KLHL22: variants seen among roughly 807,000 people sequenced by gnomAD.
KLHL22 encodes kelch like family member 22.
Under a neutral mutation model 60.7 loss-of-function variants are expected in KLHL22, and 18 were observed. That is an observed-to-expected ratio of 0.30 (90% CI 0.20 to 0.44). The LOEUF (loss-of-function observed/expected upper bound fraction) is 0.44, where lower values mean the gene tolerates loss of function less well. Ranked by LOEUF, KLHL22 falls within the 20% of genes least tolerant of loss-of-function variation. The probability of loss-of-function intolerance (pLI) is 1.00; values close to 1 mark genes in which losing one functional copy is unlikely to be tolerated. For missense variants in KLHL22, 596 were observed against 852.3 expected (o/e 0.70, Z 3.74); for synonymous variants, 355 against 354.5 (o/e 1.00, Z -0.01).
chr22:20,459,567 G>A (rs1431021744), intron 4 of KLHL22, among the ~76,000 whole-genome samples: 1 of 152,234 alleles, frequency 6.6e-6, no homozygotes, highest in Non-Finnish European at 1.5e-5. Context: ...TAAAAGACGA[G>A]CATGAAAAGT....
chr22:20,442,300 T>G lies in KLHL22; in HGVS notation c.1678A>C (p.Thr560Pro), dbSNP rs752725077. Reference protein sequence around the residue: ...GGRSHNRGSRTGYVHIYDVEK... With the variant: ...GGRSHNRGSRPGYVHIYDVEK... ...ACATCGTAAATGTGCACGTAGCCTG[T>G]GCGGCTGCCGCGGTTGTGTGAGCGG... The change falls in exon 7 of 7, where the codon ACA (threonine) becomes CCA (proline). Residue 560 changes from threonine to proline, a missense_variant. By Grantham distance (38) the Thr-to-Pro change is conservative. Transcript: ENST00000328879. 5 of 1,613,892 alleles carry G rather than the reference T, an allele frequency of 3.1e-6. No individual in the cohort carries two copies. The highest frequency in any genetic ancestry group is 8.5e-7 in the Non-Finnish European group (1 of 1,180,042).
rs2146147686 is a variant in KLHL22, at chr22:20,441,540, G to C, written c.*533C>G. The C allele has an allele frequency of 6.0e-6, 1 of 167,746 alleles. No homozygotes were observed. Among genetic ancestry groups the C allele is most frequent in the African/African-American group, 2.4e-5 (1 of 41,704 alleles). 10.4% of individuals were successfully genotyped at this position (167,746 alleles called of 1,614,324 possible). On this transcript the variant is annotated 3_prime_UTR_variant, in exon 7 of 7. Transcript: ENST00000328879. Reference sequence around the variant, plus strand: ...GAAAAACAGTTAACACCTTCTGTAAGATGCTTTATTTCATTGACCAACAAC... The same window carrying C: ...GAAAAACAGTTAACACCTTCTGTAACATGCTTTATTTCATTGACCAACAAC...
At chr22:20,450,427 C>G in intron 5 of KLHL22, 1 of 1,540,110 alleles carries the variant, frequency 6.5e-7, no homozygotes, top group Non-Finnish European at 9.0e-7. Context: ...GGAGAATGTA[C>G]AGGAACTGCT....
intron 3 of KLHL22, among the ~76,000 whole-genome samples, chr22:20,466,584 G>A (rs1028433310): frequency 6.6e-6 from 1 of 152,010 alleles, no homozygotes; most frequent in African/African-American, 2.4e-5. Context: ...CATCCACCCT[G>A]GTTCCCTAGA....
intron 1 of KLHL22, among the ~76,000 whole-genome samples, chr22:20,492,642 T>C (rs558164235): frequency 2.0e-5 from 3 of 151,082 alleles, no homozygotes; most frequent in African/African-American, 4.9e-5. Context: ...CAGGCTAGAG[T>C]GCAGTGGTGT....
At chr22:20,473,162 C>A (rs2053355557) in intron 2 of KLHL22, among the ~76,000 whole-genome samples, 1 of 152,188 alleles carries the variant, frequency 6.6e-6, no homozygotes. Context: ...CCCTGGAAGA[C>A]CAATTAGGCC....
chr22:20,483,951 G>A (rs879526758), intron 2 of KLHL22: 6 of 678,596 alleles, frequency 8.8e-6, no homozygotes, highest in African/African-American at 1.8e-5. Context: ...CTGGAAGCTG[G>A]TGGAGCGGGA....
chr22:20,466,890 A>T (rs1019428986), intron 3 of KLHL22, among the ~76,000 whole-genome samples: 1 of 152,194 alleles, frequency 6.6e-6, no homozygotes, highest in Non-Finnish European at 1.5e-5. Context: ...AGTGGTTTGA[A>T]AGGACGGCAA....
At chr22:20,478,508 CT>C (rs1196419660) in intron 2 of KLHL22, among the ~76,000 whole-genome samples, 55 of 67,676 alleles carry the variant, frequency 8.1e-4, no homozygotes, top group East Asian at 2.5e-3. Flanking sequence ...AAACTTAATT[CT>C]TTTTTTTTTT....
intron 6 of KLHL22, among the ~76,000 whole-genome samples, 156 bp from the exon 7 acceptor site, chr22:20,442,594 G>A (rs2052779457): frequency 6.6e-6 from 1 of 152,254 alleles, no homozygotes; most frequent in South Asian, 2.1e-4. Flanking sequence ...GAAACATCCT[G>A]TCCATGGGCC....
At chr22:20,463,915 T>A (rs2053191567) in intron 4 of KLHL22, among the ~76,000 whole-genome samples, 1 of 152,202 alleles carries the variant, frequency 6.6e-6, no homozygotes, top group African/African-American at 2.4e-5. Context: ...TACCCCACCC[T>A]GACCCCAGAA....
chr22:20,471,390 C>T lies in KLHL22; in HGVS notation c.353G>A (p.Ser118Asn). 2 of 1,614,026 alleles carry T rather than the reference C, an allele frequency of 1.2e-6. No individual in the cohort carries two copies. The highest frequency in any genetic ancestry group is 1.7e-6 in the Non-Finnish European group (2 of 1,179,906). Residue 118 changes from serine (S) to asparagine (N), a missense_variant, in exon 3 of 7, where the codon AGC becomes AAC. Ser to Asn is a conservative substitution (Grantham distance 46, BLOSUM62 1). Transcript: ENST00000328879. ...AGCCACCAGTGTCTCTTGTACATTG[C>T]TCAGGCTGAGCTCCAGCTCGGAGGT... ...IYTSELELSL[S>N]NVQETLVAAC...
rs142417255 is a variant in KLHL22, at chr22:20,455,357, C to A, written c.1305+2451G>T. ...ACGCAATGACCCAGGGCCAGCCTCG[C>A]TTGCTCTGCTCTTGATCCTTGGGCT... is the stretch of plus-strand genomic sequence containing the variant. On this transcript the variant is annotated intron_variant, in intron 5 of 6. Coordinates refer to ENST00000328879, the MANE Select transcript of KLHL22 (RefSeq NM_032775.4). Among the ~76,000 whole-genome samples, 330 of 152,332 alleles carry A rather than the reference C, an allele frequency of 2.2e-3. 1 individual carries two copies. Among genetic ancestry groups the A allele is most frequent in the African/African-American group, 7.7e-3 (319 of 41,580 alleles).
chr22:20,468,390 C>A (rs193067545), intron 3 of KLHL22, among the ~76,000 whole-genome samples: 1 of 152,198 alleles, frequency 6.6e-6, no homozygotes, highest in Non-Finnish European at 1.5e-5. Flanking sequence ...GAGGAACCAG[C>A]CTGGGCTCAG....
At chr22:20,460,653 C>T (rs1022397425) in intron 4 of KLHL22, among the ~76,000 whole-genome samples, 3 of 124,900 alleles carry the variant, frequency 2.4e-5, no homozygotes, top group Non-Finnish European at 5.0e-5. Flanking sequence ...AAAAAGACAC[C>T]AACAGTGATA....
At chr22:20,469,321 T>G (rs2053278627) in intron 3 of KLHL22, among the ~76,000 whole-genome samples, 1 of 151,904 alleles carries the variant, frequency 6.6e-6, no homozygotes, top group Admixed American at 6.6e-5. Flanking sequence ...CCACTGAGGT[T>G]GAGCCCAGGG....
At chr22:20,462,896 C>G (rs17819290) in intron 4 of KLHL22, among the ~76,000 whole-genome samples, 29,968 of 152,058 alleles carry the variant, frequency 0.2, 3,838 homozygotes, top group Non-Finnish European at 0.29. Context: ...GTTTCTGCAC[C>G]AATGCTTTAA....
Position 20,464,842 on chromosome 22 carries a change from T to C in KLHL22, c.1112+16A>G. On this transcript the variant is annotated intron_variant, in intron 4 of 6. Transcript: ENST00000328879. ...ATCACCTGAAGACAAAGGGACCAGC[T>C]AGCACCCTGTCCTACCTCCAGCATC... 1.4e-6 allele frequency: 2 copies of C among 1,470,336 alleles called. No homozygotes were observed. Among genetic ancestry groups the C allele is most frequent in the South Asian group, 2.6e-5 (2 of 75,558 alleles). 91.1% of individuals were successfully genotyped at this position (1,470,336 alleles called of 1,614,324 possible).
At chr22:20,460,177 T>C (rs548568836) in intron 4 of KLHL22, among the ~76,000 whole-genome samples, 1 of 152,312 alleles carries the variant, frequency 6.6e-6, no homozygotes, top group African/African-American at 2.4e-5. Context: ...TCAGTCTGGC[T>C]CAATCACCAT....
Sources: allele counts gnomAD v4.1 joint callset (sites outside exome capture counted in the v4.1 genomes callset), GRCh38; gene constraint gnomAD v4.1.1; transcripts MANE v1.5; gene names NCBI Gene and HGNC (gene_info 2026-07-23, HGNC 2026-07-21).